ZBBX: variants seen among roughly 807,000 people sequenced by gnomAD.
ZBBX encodes zinc finger B-box domain containing.
ZBBX carries 101 observed loss-of-function variants against 108.5 expected under a neutral mutation model. That is an observed-to-expected ratio of 0.93 (90% confidence interval 0.79 to 1.10). ZBBX has a LOEUF of 1.10. Ranked by LOEUF, ZBBX falls within the 50% of genes least tolerant of loss-of-function variation. The pLI, the probability that ZBBX is intolerant of heterozygous loss-of-function variation, is 0.00. For missense variants in ZBBX, 1,009 were observed against 941.4 expected (o/e 1.07, Z -0.94); for synonymous variants, 356 against 323.4 (o/e 1.10, Z -1.08).
intron 16 of ZBBX, among the ~76,000 whole-genome samples, chr3:167,311,377 T>C (rs1460015862): frequency 1.3e-5 from 2 of 151,970 alleles, no homozygotes; most frequent in African/African-American, 2.4e-5. Flanking sequence ...GGATAAAACA[T>C]AGATGACACT....
chr3:167,285,865 C>A (rs1463778840), intron 19 of ZBBX, among the ~76,000 whole-genome samples: 2 of 152,124 alleles, frequency 1.3e-5, no homozygotes, highest in South Asian at 4.1e-4. Flanking sequence ...TGAGCACTTA[C>A]AATAGGCCAG....
At chr3:167,209,546 G>A in the ZBBX span, among the ~76,000 whole-genome samples, 1 of 152,148 alleles carries the variant, frequency 6.6e-6, no homozygotes, top group Non-Finnish European at 1.5e-5. Flanking sequence ...TAGTTGCAAT[G>A]ACTAAAAACT....
intron 20 of ZBBX, among the ~76,000 whole-genome samples, chr3:167,257,688 T>G (rs1235571237): frequency 6.6e-6 from 1 of 152,038 alleles, no homozygotes; most frequent in African/African-American, 2.4e-5. Context: ...TCACATTGAT[T>G]ATGGCCATTC....
At chr3:167,196,925 A>G in the ZBBX span, among the ~76,000 whole-genome samples, 1 of 152,320 alleles carries the variant, frequency 6.6e-6, no homozygotes, top group East Asian at 1.9e-4. Context: ...CCAAAATGAG[A>G]GTAGCTACTC....
chr3:167,204,018 C>T, the ZBBX span, among the ~76,000 whole-genome samples: 2 of 152,038 alleles, frequency 1.3e-5, no homozygotes, highest in Non-Finnish European at 2.9e-5. Flanking sequence ...TATCTCATAG[C>T]TGTTCCTTAA....
At chr3:167,348,567 CTATA>C (rs565930685) in intron 9 of ZBBX, among the ~76,000 whole-genome samples, 2 of 151,790 alleles carry the variant, frequency 1.3e-5, no homozygotes, top group Non-Finnish European at 2.9e-5. Context: ...AAATGTGTAT[CTATA>C]TATATGTCAA....
chr3:167,278,093 C>G (rs1271041372), intron 20 of ZBBX, among the ~76,000 whole-genome samples: 1 of 108,618 alleles, frequency 9.2e-6, no homozygotes, highest in Non-Finnish European at 1.8e-5. Flanking sequence ...GGGACACATC[C>G]AAAGCAGTGT....
At chr3:167,207,956 T>C in the ZBBX span, among the ~76,000 whole-genome samples, 1 of 152,170 alleles carries the variant, frequency 6.6e-6, no homozygotes. Flanking sequence ...ACCACCCCTC[T>C]ACCATCGTCA....
chr3:167,305,409 A>G (rs1275468618), intron 17 of ZBBX, among the ~76,000 whole-genome samples: 2 of 152,138 alleles, frequency 1.3e-5, no homozygotes, highest in Non-Finnish European at 2.9e-5. Flanking sequence ...GCCTTAAAGT[A>G]TCATTTATCA....
At chr3:167,322,762 A>G (rs1309296034) in intron 11 of ZBBX, among the ~76,000 whole-genome samples, 1 of 152,086 alleles carries the variant, frequency 6.6e-6, no homozygotes. Flanking sequence ...AGAGATATTT[A>G]AAACTGATGA....
At chr3:167,200,253 G>A in the ZBBX span, among the ~76,000 whole-genome samples, 41 of 152,182 alleles carry the variant, frequency 2.7e-4, no homozygotes, top group East Asian at 5.2e-3. Context: ...ATGATTCAAC[G>A]CAGTACACCT....
chr3:167,315,859 T>C, intron 14 of ZBBX, 30 bp from the exon 15 acceptor site: 1 of 1,405,746 alleles, frequency 7.1e-7, no homozygotes, highest in Non-Finnish European at 9.7e-7. Flanking sequence ...ATAATATTAG[T>C]AAGTTCATAA....
chr3:167,291,844 C>T (rs920668776), intron 18 of ZBBX, among the ~76,000 whole-genome samples: 6 of 151,634 alleles, frequency 4.0e-5, no homozygotes, highest in East Asian at 1.9e-4. Context: ...AGGCTCAAAA[C>T]GAAAGAAAGC....
At chr3:167,315,603 T>C (rs1735303871) in intron 15 of ZBBX, 147 bp downstream of exon 15, 1 of 592,200 alleles carries the variant, frequency 1.7e-6, no homozygotes, top group South Asian at 2.5e-5. Flanking sequence ...TATACATATT[T>C]AAGCATGGGT....
chr3:167,388,295 G>C (rs1480926106), intron 1 of ZBBX, among the ~76,000 whole-genome samples: 1 of 151,932 alleles, frequency 6.6e-6, no homozygotes, highest in Non-Finnish European at 1.5e-5. Context: ...TAGGAGATAA[G>C]ACTATATGGA....
At chr3:167,406,281 T>G (rs1423438468) in intron 1 of ZBBX, among the ~76,000 whole-genome samples, 1 of 152,240 alleles carries the variant, frequency 6.6e-6, no homozygotes, top group Non-Finnish European at 1.5e-5. Context: ...AAAAGCCTAC[T>G]TATATTTTTC....
At chr3:167,238,821 AC>A (rs1176678063), downstream of ZBBX, among the ~76,000 whole-genome samples, 1 of 152,086 alleles carries the variant, frequency 6.6e-6, no homozygotes, top group Non-Finnish European at 1.5e-5. Context: ...ATGGACTCCC[AC>A]CAATATCAAA....
intron 7 of ZBBX, 25 bp downstream of exon 7, chr3:167,360,650 A>C: frequency 7.8e-7 from 1 of 1,288,980 alleles, no homozygotes; most frequent in Non-Finnish European, 1.0e-6. Flanking sequence ...TTTAGCATTT[A>C]TTAACATGGT....
chr3:167,390,102 A>C lies in ZBBX; in HGVS notation c.-445-9697T>G, dbSNP rs562928282. ...TAGGGTTTTTATGGTTTTGGATCTT[A>C]TGTTTAAGTCTTTAATCCATCTTGA... On this transcript the variant is annotated intron_variant, in intron 1 of 21. Transcript: ENST00000455345. Among the ~76,000 whole-genome samples, 94 of 152,162 alleles carry C rather than the reference A, an allele frequency of 6.2e-4. 1 individual carries two copies. Among genetic ancestry groups the C allele is most frequent in the African/African-American group, 2.1e-3 (89 of 41,518 alleles).
Sources: allele counts gnomAD v4.1 joint callset (sites outside exome capture counted in the v4.1 genomes callset), GRCh38; gene constraint gnomAD v4.1.1; transcripts MANE v1.5; gene names NCBI Gene and HGNC (gene_info 2026-07-23, HGNC 2026-07-21).